The following SLC28A1 variants were observed in gnomAD, a reference collection of about 807,000 sequenced individuals.
SLC28A1 encodes sodium/nucleoside cotransporter 1.
SLC28A1 carries 64 observed loss-of-function variants against 74.8 expected under a neutral mutation model. The observed-to-expected ratio is 0.86, with a 90% CI of 0.70 to 1.05. The LOEUF (loss-of-function observed/expected upper bound fraction) is 1.05, where lower values mean the gene tolerates loss of function less well. SLC28A1 is among the 50% of genes least tolerant of loss of function. The pLI, the probability that SLC28A1 is intolerant of heterozygous loss-of-function variation, is 0.00. For missense variants in SLC28A1, 828 were observed against 822.8 expected, an observed-to-expected ratio of 1.01 and a Z score of -0.08; for synonymous variants, 359 against 335.0, an observed-to-expected ratio of 1.07 and a Z score of -0.78.
At chr15:84,967,948 AT>A in the SLC28A1 span, among the ~76,000 whole-genome samples, 1 of 152,120 alleles carries the variant, frequency 6.6e-6, no homozygotes, top group Non-Finnish European at 1.5e-5. Context: ...AAGGGCTAAG[AT>A]TTAGTGAATC....
At chr15:84,946,112 A>ATTTTTTTTTTTTTT (rs1165709632), downstream of SLC28A1, among the ~76,000 whole-genome samples, 6 of 13,474 alleles carry the variant, frequency 4.5e-4, no homozygotes, top group African/African-American at 6.6e-4. Context: ...ATATATATAT[A>ATTTTTTTTTTTTTT]TTTTTTTTTT....
chr15:84,951,678 A>C, the SLC28A1 span, among the ~76,000 whole-genome samples: 7 of 152,150 alleles, frequency 4.6e-5, no homozygotes, highest in Admixed American at 2.0e-4. Context: ...TATTATTAAC[A>C]AAGTGCCCAT....
At chr15:84,951,613 A>G in the SLC28A1 span, among the ~76,000 whole-genome samples, 1 of 152,106 alleles carries the variant, frequency 6.6e-6, no homozygotes, top group African/African-American at 2.4e-5. Flanking sequence ...GGTGGCAAGA[A>G]GGAGCAGATT....
chr15:84,962,449 G>GT, the SLC28A1 span, among the ~76,000 whole-genome samples: 1 of 151,102 alleles, frequency 6.6e-6, no homozygotes, highest in Non-Finnish European at 1.5e-5. Context: ...ATGATTTTTT[G>GT]TTTTTTGAGA....
chr15:84,889,275 G>A (rs1427116971), intron 4 of SLC28A1, among the ~76,000 whole-genome samples: 1 of 152,218 alleles, frequency 6.6e-6, no homozygotes, highest in African/African-American at 2.4e-5. Context: ...AGAGGGGAAG[G>A]GACCAGCCAG....
At position 84,927,340 on chromosome 15, in the gene SLC28A1, A is replaced by C. The variant is rs550769397; in HGVS notation, c.1083+3230A>C. On this transcript the variant is annotated intron_variant, in intron 12 of 18. Transcript: ENST00000394573. ...ACGGGGGCCTTCAGAAGGAAGACCC[A>C]AAGATACAGGGAAAATTGTCCATTT... is the stretch of plus-strand genomic sequence containing the variant. Among the ~76,000 whole-genome samples, 25 of 152,362 alleles carry C rather than the reference A, an allele frequency of 1.6e-4. No homozygotes were observed. In the South Asian group the frequency reaches 5.0e-3, roughly 30 times the overall value.
At chr15:84,923,854 C>G in intron 11 of SLC28A1, 131 bp from the exon 12 acceptor site, 1 of 1,204,538 alleles carries the variant, frequency 8.3e-7, no homozygotes, top group South Asian at 1.3e-5. Flanking sequence ...CAGCCAAGTA[C>G]AGACCCTGGT....
At chr15:84,926,627 C>G in intron 12 of SLC28A1, 3 of 446,704 alleles carry the variant, frequency 6.7e-6, no homozygotes, top group Non-Finnish European at 1.3e-5. Flanking sequence ...AACTGGACAG[C>G]CTAAATGCCC....
At chr15:84,968,907 C>T in the SLC28A1 span, among the ~76,000 whole-genome samples, 2 of 152,164 alleles carry the variant, frequency 1.3e-5, no homozygotes. Flanking sequence ...CCCATCAGCC[C>T]GGGTAAGGGG....
downstream of SLC28A1, among the ~76,000 whole-genome samples, chr15:84,946,543 G>A (rs1397546645): frequency 2.0e-5 from 3 of 152,228 alleles, no homozygotes; most frequent in South Asian, 4.1e-4. Flanking sequence ...GGCAGAGGCA[G>A]GATTTGAGCC....
At chr15:84,974,427 C>T in the SLC28A1 span, among the ~76,000 whole-genome samples, 3 of 152,194 alleles carry the variant, frequency 2.0e-5, no homozygotes. Context: ...TGCTGCATGA[C>T]CAAGGACAAA....
At chr15:84,958,054 A>G in the SLC28A1 span, among the ~76,000 whole-genome samples, 2,069 of 152,228 alleles carry the variant, frequency 0.014, 54 homozygotes, top group African/African-American at 0.047. Context: ...TTTATTCCTA[A>G]GTACTTAGAA....
intron 8 of SLC28A1, 128 bp downstream of exon 8, chr15:84,905,780 A>C: frequency 1.3e-6 from 1 of 777,400 alleles, no homozygotes; most frequent in East Asian, 2.7e-5. Context: ...GGTGGGGTGG[A>C]CTGGGGCCCC....
intron 1 of SLC28A1, among the ~76,000 whole-genome samples, chr15:84,885,036 G>A (rs760962728): frequency 1.4e-4 from 22 of 152,276 alleles, no homozygotes; most frequent in Non-Finnish European, 2.8e-4. Flanking sequence ...TCTGCTCACT[G>A]CAGCCTCCAC....
At position 84,944,593 on chromosome 15, in the gene SLC28A1, A is replaced by G. The variant is rs760278302; in HGVS notation, c.1691A>G (p.Asp564Gly). 1.2e-6 allele frequency: 2 copies of G among 1,613,888 alleles called. No homozygotes were observed. The highest frequency in any genetic ancestry group is 1.7e-6 in the Non-Finnish European group (2 of 1,179,770). ...LTSMVPQRKS[D>G]FSQIVLRALF... ...TCCATGGTCCCCCAACGGAAGAGCGACTTCTCCCAGATAGTGCTCCGGGCG... is the reference window on the plus strand; with the variant it reads ...TCCATGGTCCCCCAACGGAAGAGCGGCTTCTCCCAGATAGTGCTCCGGGCG... Residue 564 changes from aspartate to glycine, a missense_variant, in exon 17 of 19, where the codon GAC becomes GGC. Physicochemically the swap from Asp to Gly is moderately conservative, Grantham distance 94. This residue lies in a region of SLC28A1 where 767 missense variants were observed against 753.5 expected (regional missense o/e 1.02). Transcript: ENST00000394573.
chr15:84,894,197 C>A (rs1965683379), intron 5 of SLC28A1, among the ~76,000 whole-genome samples: 1 of 152,042 alleles, frequency 6.6e-6, no homozygotes, highest in Non-Finnish European at 1.5e-5. Flanking sequence ...TATGGCGAAA[C>A]CCTGTCTCTA....
At chr15:84,941,733 G>T (rs1350099177) in intron 15 of SLC28A1, among the ~76,000 whole-genome samples, 2 of 152,060 alleles carry the variant, frequency 1.3e-5, no homozygotes. Flanking sequence ...TTAGCCAGGT[G>T]TGGTAACACA....
the SLC28A1 span, among the ~76,000 whole-genome samples, chr15:84,963,014 T>C: frequency 2.0e-5 from 3 of 152,176 alleles, no homozygotes; most frequent in African/African-American, 7.2e-5. Context: ...CATTTGCTAG[T>C]GTGACCAGTG....
At chr15:84,912,955 T>C (rs1188042649) in intron 9 of SLC28A1, among the ~76,000 whole-genome samples, 4 of 151,674 alleles carry the variant, frequency 2.6e-5, no homozygotes, top group African/African-American at 4.9e-5. Context: ...AAATGAAGCC[T>C]GGGGTGGGAT....
Sources: gnomAD v4.1 joint callset for allele counts (sites outside exome capture counted in the v4.1 genomes callset) on GRCh38, gnomAD v4.1.1 for gene constraint, gnomAD v4.1.1 regional missense constraint, MANE v1.5 for transcripts, NCBI Gene and HGNC (gene_info 2026-07-23, HGNC 2026-07-21) for gene names.